The following AHI1 variants were observed in gnomAD, a reference collection of about 807,000 sequenced individuals.
AHI1 encodes Abelson helper integration site 1, also known as jouberin.
In AHI1, 123 loss-of-function variants were observed where a neutral mutation model predicts 149.3. The ratio of observed to expected loss-of-function variants is 0.82; its 90% CI spans 0.71 to 0.96. The LOEUF (loss-of-function observed/expected upper bound fraction) is 0.96. AHI1 is among the 40% of genes least tolerant of loss of function. The probability of loss-of-function intolerance (pLI) is 0.00; values close to 1 mark genes in which losing one functional copy is unlikely to be tolerated. For synonymous variants in AHI1, 475 were observed against 459.8 expected (o/e 1.03, Z -0.42); for missense variants, 1,439 against 1,422.7 (o/e 1.01, Z -0.18).
At chr6:135,479,582 C>A (rs189517685) in intron 5 of AHI1, among the ~76,000 whole-genome samples, 7 of 151,802 alleles carry the variant, frequency 4.6e-5, no homozygotes, top group Non-Finnish European at 1.0e-4. Flanking sequence ...AAGTAACTAA[C>A]TTTTTTTTTA....
chr6:135,399,747 T>G (rs1779752267), intron 22 of AHI1, among the ~76,000 whole-genome samples: 1 of 151,726 alleles, frequency 6.6e-6, no homozygotes, highest in South Asian at 2.1e-4. Context: ...GTTTACTTTC[T>G]TAGGGAAAGC....
rs41474044 is a variant in AHI1, at chr6:135,423,878, A to C, written c.2764+3289T>G. ...GCGAAAAATCAGCCTCATTACCTAG[A>C]ATTATCAGACAATGCTGAGAACTTC... On this transcript the variant is annotated intron_variant, in intron 20 of 28. Transcript: ENST00000265602. 4.2e-3 allele frequency among the ~76,000 whole-genome samples: 641 copies of C among 152,220 alleles called. 3 individuals are homozygous for C. The highest frequency in any genetic ancestry group is 0.015 in the African/African-American group (615 of 41,558).
intron 26 of AHI1, chr6:135,302,350 T>C (rs1310818800): frequency 4.0e-6 from 4 of 988,844 alleles, no homozygotes; most frequent in East Asian, 1.1e-4. Context: ...CTGAACTATA[T>C]ACCAGTGTTA....
intron 26 of AHI1, among the ~76,000 whole-genome samples, chr6:135,308,003 A>T (rs73559905): frequency 0.03 from 4,544 of 152,248 alleles, 234 homozygotes; most frequent in African/African-American, 0.1. Context: ...CCTGGAATAG[A>T]ATGGTTGACA....
intron 26 of AHI1, among the ~76,000 whole-genome samples, chr6:135,303,062 C>A (rs759612978): frequency 6.6e-6 from 1 of 152,124 alleles, no homozygotes; most frequent in Admixed American, 6.5e-5. Flanking sequence ...GCTTTCCAAA[C>A]CCTCACAACT....
rs550943761 is a variant in AHI1 at position 135,364,784 on chromosome 6, C to T, written c.3110-6597G>A. On this transcript the variant is annotated intron_variant, in intron 23 of 28. Transcript: ENST00000265602. ...GCGCACGCCTGCAATCGCAGGCACTCGGCAAGCTGAGGCAGGAGAATCAGG... is the reference window on the plus strand; with the variant it reads ...GCGCACGCCTGCAATCGCAGGCACTTGGCAAGCTGAGGCAGGAGAATCAGG... Among the ~76,000 whole-genome samples, 19 of 152,346 alleles carry T rather than the reference C, an allele frequency of 1.2e-4. No homozygotes were observed. The East Asian group carries it at 2.9e-3, about 23-fold the overall frequency.
chr6:135,295,077 A>G (rs1165676222), intron 27 of AHI1, among the ~76,000 whole-genome samples: 1 of 152,270 alleles, frequency 6.6e-6, no homozygotes, highest in African/African-American at 2.4e-5. Flanking sequence ...TTAAAATTTA[A>G]TAAAACAAAT....
At chr6:135,399,462 T>A (rs1359347396) in intron 22 of AHI1, among the ~76,000 whole-genome samples, 1 of 152,154 alleles carries the variant, frequency 6.6e-6, no homozygotes, top group Non-Finnish European at 1.5e-5. Context: ...GGACTTCAAA[T>A]GATCAAATTC....
intron 20 of AHI1, among the ~76,000 whole-genome samples, chr6:135,413,476 A>G (rs890700480): frequency 6.7e-6 from 1 of 149,256 alleles, no homozygotes; most frequent in African/African-American, 2.6e-5. Flanking sequence ...AACTGTATAA[A>G]AGAAAAAAAA....
At chr6:135,328,250 A>T (rs1788006789) in intron 24 of AHI1, among the ~76,000 whole-genome samples, 1 of 152,144 alleles carries the variant, frequency 6.6e-6, no homozygotes, top group African/African-American at 2.4e-5. Context: ...ATGGTTGGAA[A>T]GTTTTTCCCA....
intron 27 of AHI1, among the ~76,000 whole-genome samples, chr6:135,293,406 G>GAAAAAAAAAAAAAAAAAAAAAA (rs71547029): frequency 9.7e-3 from 625 of 64,692 alleles, no homozygotes; most frequent in Non-Finnish European, 0.012. Context: ...AAAAAAAAAA[G>GAAAAAAAAAAAAAAAAAAAAAA]AAAAAAAAAA....
chr6:135,419,527 G>C (rs1478674488), intron 20 of AHI1, among the ~76,000 whole-genome samples: 2 of 151,744 alleles, frequency 1.3e-5, no homozygotes, highest in African/African-American at 4.8e-5. Flanking sequence ...ATTTTCTAGT[G>C]CTTATAAAAG....
chr6:135,371,144 G>T (rs920285287), intron 23 of AHI1, among the ~76,000 whole-genome samples: 3 of 152,164 alleles, frequency 2.0e-5, no homozygotes, highest in African/African-American at 7.2e-5. Flanking sequence ...GAAACAAAAT[G>T]ATATAGTGTA....
At chr6:135,350,839 G>C (rs904364301) in intron 24 of AHI1, among the ~76,000 whole-genome samples, 1 of 152,114 alleles carries the variant, frequency 6.6e-6, no homozygotes, top group Admixed American at 6.5e-5. Flanking sequence ...TGAAGAGACA[G>C]ACAGACAGCA....
chr6:135,411,168 A>G (rs1372668784), intron 21 of AHI1, among the ~76,000 whole-genome samples, 180 bp downstream of exon 21: 1 of 152,186 alleles, frequency 6.6e-6, no homozygotes, highest in Non-Finnish European at 1.5e-5. Context: ...ATTATCCTAA[A>G]TTCAGGTTGT....
intron 5 of AHI1, among the ~76,000 whole-genome samples, chr6:135,487,047 T>C (rs560519465): frequency 6.6e-6 from 1 of 152,262 alleles, no homozygotes; most frequent in East Asian, 1.9e-4. Context: ...ATTACAGGCA[T>C]GAGCTACCAT....
chr6:135,402,811 T>C (rs1780208864), intron 22 of AHI1, among the ~76,000 whole-genome samples: 1 of 152,194 alleles, frequency 6.6e-6, no homozygotes, highest in Non-Finnish European at 1.5e-5. Flanking sequence ...ATATAGTATA[T>C]AATACACATA....
chr6:135,319,662 A>G (rs1370532004), intron 25 of AHI1, among the ~76,000 whole-genome samples: 2 of 152,238 alleles, frequency 1.3e-5, no homozygotes, highest in Non-Finnish European at 2.9e-5. Flanking sequence ...TTAAAGGGTT[A>G]AAACAAAAAT....
At chr6:135,358,321 G>T in intron 23 of AHI1, 134 bp from the exon 24 acceptor site, 1 of 763,256 alleles carries the variant, frequency 1.3e-6, no homozygotes, top group Non-Finnish European at 2.2e-6. Context: ...TCACTTGGAA[G>T]GCAAGATCCT....
Sources: gnomAD v4.1 joint callset for allele counts (sites outside exome capture counted in the v4.1 genomes callset) on GRCh38, gnomAD v4.1.1 for gene constraint, MANE v1.5 for transcripts, NCBI Gene and HGNC (gene_info 2026-07-23, HGNC 2026-07-21) for gene names.